DPP6: variants seen among roughly 807,000 people sequenced by gnomAD.
DPP6 encodes the protein A-type potassium channel modulatory protein DPP6.
Under a neutral mutation model 122.6 loss-of-function variants are expected in DPP6, and 69 were observed. The ratio of observed to expected loss-of-function variants is 0.56; its 90% CI spans 0.46 to 0.69. The LOEUF (loss-of-function observed/expected upper bound fraction) is 0.69, where lower values mean the gene tolerates loss of function less well. Among genes scored for constraint, DPP6 ranks in the 30% least tolerant of loss-of-function variants. The probability of loss-of-function intolerance (pLI) is 0.00; values close to 1 mark genes in which losing one functional copy is unlikely to be tolerated. For missense variants in DPP6, 928 were observed against 1,116.9 expected (o/e 0.83, Z 2.41); for synonymous variants, 418 against 433.1 (o/e 0.97, Z 0.43).
intron 1 of DPP6, among the ~76,000 whole-genome samples, chr7:154,312,225 C>A (rs1191874968): frequency 1.3e-5 from 2 of 152,084 alleles, no homozygotes; most frequent in Non-Finnish European, 2.9e-5. Flanking sequence ...GCTTTCAAAT[C>A]CTGAAGGATT....
intron 1 of DPP6, among the ~76,000 whole-genome samples, chr7:154,336,626 A>T (rs1809450384): frequency 6.6e-6 from 1 of 152,220 alleles, no homozygotes; most frequent in Non-Finnish European, 1.5e-5. Context: ...TCCAAAAGGC[A>T]TGTGATTCAA....
intron 1 of DPP6, among the ~76,000 whole-genome samples, chr7:154,068,450 A>G (rs1802896110): frequency 6.9e-6 from 1 of 144,774 alleles, no homozygotes; most frequent in Admixed American, 7.0e-5. Context: ...AGCTACCTCT[A>G]AGAAAGCAAA....
chr7:154,243,012 T>C (rs1801742463), intron 1 of DPP6, among the ~76,000 whole-genome samples: 1 of 152,114 alleles, frequency 6.6e-6, no homozygotes, highest in South Asian at 2.1e-4. Context: ...ACCATAGCAG[T>C]AAAAGCTATA....
At chr7:154,620,712 A>T (rs1370987243) in intron 5 of DPP6, among the ~76,000 whole-genome samples, 3 of 152,258 alleles carry the variant, frequency 2.0e-5, no homozygotes, top group African/African-American at 7.2e-5. Context: ...CGTCCCCGTC[A>T]GCAAGTAGCA....
intron 1 of DPP6, among the ~76,000 whole-genome samples, chr7:153,897,612 C>A (rs1397801161): frequency 6.6e-6 from 1 of 152,224 alleles, no homozygotes; most frequent in Non-Finnish European, 1.5e-5. Context: ...GTGACCCCTT[C>A]ATAGTCTCTT....
intron 7 of DPP6, among the ~76,000 whole-genome samples, chr7:154,678,057 A>G (rs564538397): frequency 6.6e-6 from 1 of 152,260 alleles, no homozygotes; most frequent in South Asian, 2.1e-4. Context: ...ACGTTTGTAA[A>G]CGCACTGATC....
At chr7:154,722,602 G>A (rs960137367) in intron 7 of DPP6, among the ~76,000 whole-genome samples, 66 of 152,182 alleles carry the variant, frequency 4.3e-4, no homozygotes, top group African/African-American at 1.4e-3. Flanking sequence ...GGTGTGCAAC[G>A]TATGAGATAA....
At chr7:154,207,906 G>A (rs1257155286) in intron 1 of DPP6, among the ~76,000 whole-genome samples, 1 of 150,868 alleles carries the variant, frequency 6.6e-6, no homozygotes, top group Non-Finnish European at 1.5e-5. Flanking sequence ...AGTGGGCCAC[G>A]ATCATGCCAC....
chr7:154,145,562 G>C (rs1329235182), intron 1 of DPP6, among the ~76,000 whole-genome samples: 1 of 150,196 alleles, frequency 6.7e-6, no homozygotes, highest in Non-Finnish European at 1.5e-5. Context: ...ATAGGATTTT[G>C]TCACATTGAA....
At chr7:154,788,244 G>C (rs188836450) in intron 10 of DPP6, among the ~76,000 whole-genome samples, 48 of 152,146 alleles carry the variant, frequency 3.2e-4, no homozygotes, top group African/African-American at 1.1e-3. Context: ...AGGAGTTTGA[G>C]GCCAACTTGG....
intron 5 of DPP6, among the ~76,000 whole-genome samples, chr7:154,583,035 G>C (rs1832182900): frequency 6.6e-6 from 1 of 152,208 alleles, no homozygotes; most frequent in Admixed American, 6.5e-5. Context: ...ACCTGCTCTT[G>C]ATGGGGGCTC....
At chr7:154,098,308 C>T (rs548904440) in intron 1 of DPP6, among the ~76,000 whole-genome samples, 99 of 152,282 alleles carry the variant, frequency 6.5e-4, no homozygotes, top group African/African-American at 2.3e-3. Flanking sequence ...TTGTAAGTTT[C>T]CTGAGGCCTC....
At chr7:154,743,491 G>C (rs541949098) in intron 8 of DPP6, among the ~76,000 whole-genome samples, 1 of 152,150 alleles carries the variant, frequency 6.6e-6, no homozygotes, top group African/African-American at 2.4e-5. Flanking sequence ...AAGTCGGAGC[G>C]GAGTGTGTGG....
intron 5 of DPP6, among the ~76,000 whole-genome samples, chr7:154,585,672 A>T (rs530004292): frequency 6.6e-6 from 1 of 152,368 alleles, no homozygotes; most frequent in East Asian, 1.9e-4. Context: ...AATCAAATAC[A>T]ATGTAAATGC....
At chr7:153,946,067 C>T (rs1585071196) in intron 1 of DPP6, among the ~76,000 whole-genome samples, 2 of 152,264 alleles carry the variant, frequency 1.3e-5, no homozygotes, top group Admixed American at 6.5e-5. Flanking sequence ...ACACAAGAAA[C>T]ATAGCTCTGA....
chr7:154,231,450 G>T (rs924980459), intron 1 of DPP6, among the ~76,000 whole-genome samples: 2 of 152,192 alleles, frequency 1.3e-5, no homozygotes, highest in African/African-American at 4.8e-5. Flanking sequence ...CAGGCAGTAT[G>T]ATTAGAACCA....
chr7:154,290,748 C>T lies in DPP6; in HGVS notation c.244-155466C>T, dbSNP rs763757731. On this transcript the variant is annotated intron_variant, in intron 1 of 25. Coordinates refer to ENST00000377770, the MANE Select transcript of DPP6 (RefSeq NM_130797.4). ...AGTCCACTGGCCCCTGGTGTTCCCG[C>T]GGGGCTTCTTACATGAGCCATTCTA... Among the ~76,000 whole-genome samples, 8 of 152,200 alleles carry T rather than the reference C, an allele frequency of 5.3e-5. No homozygotes were observed. In the Middle Eastern group the frequency reaches 0.014, roughly 259 times the overall value.
chr7:154,686,510 T>C (rs924766659), intron 7 of DPP6, among the ~76,000 whole-genome samples: 19 of 152,036 alleles, frequency 1.2e-4, no homozygotes, highest in Non-Finnish European at 2.5e-4. Flanking sequence ...CCACTGAGCA[T>C]TCTCAAAGGG....
intron 1 of DPP6, among the ~76,000 whole-genome samples, chr7:153,968,371 G>A (rs1413764977): frequency 6.6e-6 from 1 of 152,074 alleles, no homozygotes; most frequent in East Asian, 1.9e-4. Flanking sequence ...AGACATGTCT[G>A]TTCATATTCT....
Sources: gnomAD v4.1 joint callset for allele counts (sites outside exome capture counted in the v4.1 genomes callset) on GRCh38, gnomAD v4.1.1 for gene constraint, MANE v1.5 for transcripts, NCBI Gene and HGNC (gene_info 2026-07-23, HGNC 2026-07-21) for gene names.